Variants in MAF observed in about 807,000 individuals in gnomAD.
The protein encoded by MAF is MAF bZIP transcription factor.
Under a neutral mutation model 22.0 loss-of-function variants are expected in MAF, and 10 were observed. That is an observed-to-expected ratio of 0.45 (90% confidence interval 0.28 to 0.77). MAF has a LOEUF of 0.77. Among genes scored for constraint, MAF ranks in the 30% least tolerant of loss-of-function variants. The pLI is 0.12. For missense variants in MAF, 544 were observed against 548.4 expected, an observed-to-expected ratio of 0.99 and a Z score of 0.08; for synonymous variants, 337 against 255.8, an observed-to-expected ratio of 1.32 and a Z score of -3.03.
At chr16:79,442,512 C>T in the MAF span, among the ~76,000 whole-genome samples, 1 of 152,110 alleles carries the variant, frequency 6.6e-6, no homozygotes, top group African/African-American at 2.4e-5. Context: ...GCTAGTATTA[C>T]AGACATGAGC....
At chr16:79,531,443 C>T in the MAF span, among the ~76,000 whole-genome samples, 4 of 151,930 alleles carry the variant, frequency 2.6e-5, no homozygotes, top group Non-Finnish European at 5.9e-5. Flanking sequence ...CATTATTGTG[C>T]ATTTTATTAT....
At chr16:79,500,271 AG>A in the MAF span, among the ~76,000 whole-genome samples, 5 of 152,206 alleles carry the variant, frequency 3.3e-5, no homozygotes, top group African/African-American at 1.2e-4. Flanking sequence ...AGAGGGAGAA[AG>A]GAACAGTGAA....
chr16:79,284,214 G>T, the MAF span, among the ~76,000 whole-genome samples: 1 of 152,056 alleles, frequency 6.6e-6, no homozygotes, highest in Non-Finnish European at 1.5e-5. Context: ...ACCTCCATCC[G>T]CCTTCTACCC....
At chr16:79,259,074 C>G in the MAF span, among the ~76,000 whole-genome samples, 1 of 152,188 alleles carries the variant, frequency 6.6e-6, no homozygotes, top group Admixed American at 6.5e-5. Flanking sequence ...ATCCCCTAAA[C>G]CCCAGAATGA....
the MAF span, among the ~76,000 whole-genome samples, chr16:79,492,336 T>C: frequency 6.6e-6 from 1 of 152,162 alleles, no homozygotes; most frequent in Non-Finnish European, 1.5e-5. Flanking sequence ...CTATAATTAA[T>C]ACAAAAAGTC....
chr16:79,330,036 A>G, the MAF span, among the ~76,000 whole-genome samples: 39 of 152,324 alleles, frequency 2.6e-4, no homozygotes, highest in Non-Finnish European at 5.9e-5. Context: ...ACTGATTATC[A>G]AAGAAATTTC....
At chr16:79,331,081 G>C in the MAF span, among the ~76,000 whole-genome samples, 5 of 152,210 alleles carry the variant, frequency 3.3e-5, no homozygotes, top group Non-Finnish European at 5.9e-5. Context: ...AAGTGGGTTT[G>C]TTTGAGGATT....
the MAF span, among the ~76,000 whole-genome samples, chr16:79,497,358 C>A: frequency 6.6e-6 from 1 of 152,132 alleles, no homozygotes; most frequent in Non-Finnish European, 1.5e-5. Flanking sequence ...GCCATGTATG[C>A]CCCTCAACTC....
the MAF span, among the ~76,000 whole-genome samples, chr16:79,425,702 T>C: frequency 3.3e-5 from 5 of 152,062 alleles, no homozygotes; most frequent in Admixed American, 6.6e-5. Flanking sequence ...CCTCTTTTTT[T>C]CTGACTTACT....
the MAF span, among the ~76,000 whole-genome samples, chr16:79,270,638 G>A: frequency 6.6e-6 from 1 of 152,166 alleles, no homozygotes. Context: ...TGACTTTCTG[G>A]CACAACCATC....
the MAF span, among the ~76,000 whole-genome samples, chr16:79,481,436 T>C: frequency 6.6e-6 from 1 of 152,118 alleles, no homozygotes; most frequent in Non-Finnish European, 1.5e-5. Flanking sequence ...CTCCAAACCC[T>C]AGGCCACTAC....
chr16:79,206,042 T>C, the MAF span: 1 of 152,188 alleles, frequency 6.6e-6, no homozygotes, highest in Non-Finnish European at 1.5e-5. Context: ...TCACTTGCTG[T>C]TGGATCATCG....
chr16:79,306,270 A>G, the MAF span, among the ~76,000 whole-genome samples: 1 of 152,180 alleles, frequency 6.6e-6, no homozygotes, highest in Non-Finnish European at 1.5e-5. Flanking sequence ...GCACATGGCC[A>G]TTTTCCCATT....
chr16:79,359,268 A>T, the MAF span, among the ~76,000 whole-genome samples: 1 of 152,188 alleles, frequency 6.6e-6, no homozygotes, highest in Non-Finnish European at 1.5e-5. Context: ...CAAAGGGCAC[A>T]TCTTTGCACG....
the MAF span, among the ~76,000 whole-genome samples, chr16:79,359,867 C>G: frequency 1.1e-4 from 16 of 152,294 alleles, no homozygotes; most frequent in Middle Eastern, 3.4e-3. Flanking sequence ...ACATGTGCAA[C>G]AGCTGGGAAG....
chr16:79,241,619 T>A, the MAF span, among the ~76,000 whole-genome samples: 1 of 151,974 alleles, frequency 6.6e-6, no homozygotes, highest in Non-Finnish European at 1.5e-5. Flanking sequence ...AAAACACTCT[T>A]CAGGATATCA....
At chr16:79,348,095 C>T in the MAF span, among the ~76,000 whole-genome samples, 45 of 152,322 alleles carry the variant, frequency 3.0e-4, no homozygotes, top group African/African-American at 1.1e-3. Flanking sequence ...ATTGGAAAAT[C>T]GTACGGAAAT....
chr16:79,377,688 T>C, the MAF span, among the ~76,000 whole-genome samples: 2 of 152,264 alleles, frequency 1.3e-5, no homozygotes, highest in African/African-American at 4.8e-5. Context: ...TTAATCCATC[T>C]TGAATTAATT....
chr16:79,346,557 A>G, the MAF span, among the ~76,000 whole-genome samples: 2 of 152,228 alleles, frequency 1.3e-5, no homozygotes, highest in Admixed American at 6.5e-5. Context: ...CCTCCAAGGC[A>G]TTAGTCTTCA....
Sources: allele counts gnomAD v4.1 joint callset (sites outside exome capture counted in the v4.1 genomes callset), GRCh38; gene constraint gnomAD v4.1.1; transcripts MANE v1.5; gene names NCBI Gene and HGNC (gene_info 2026-07-23, HGNC 2026-07-21).